ASB7: variants seen among roughly 807,000 people sequenced by gnomAD.
ASB7 encodes ankyrin repeat and SOCS box protein 7.
A neutral mutation model predicts 32.5 loss-of-function variants in ASB7; 4 were observed. The observed-to-expected ratio is 0.12, with a 90% confidence interval of 0.06 to 0.28. ASB7 has a LOEUF of 0.28. Among genes scored for constraint, ASB7 ranks in the 10% least tolerant of loss-of-function variants. The pLI is 1.00. For synonymous variants in ASB7, 172 were observed against 155.6 expected, an observed-to-expected ratio of 1.11 and a Z score of -0.78; for missense variants, 181 against 407.1, an observed-to-expected ratio of 0.44 and a Z score of 4.78.
chr15:100,634,515 GAGAT>G (rs1250832892), intron 5 of ASB7, among the ~76,000 whole-genome samples: 6 of 152,180 alleles, frequency 3.9e-5, no homozygotes, highest in South Asian at 2.1e-4. Context: ...GAAAAGAAAA[GAGAT>G]AGGGCCAGGT....
intron 2 of ASB7, among the ~76,000 whole-genome samples, chr15:100,608,693 A>G (rs2039669346): frequency 6.6e-6 from 1 of 152,214 alleles, no homozygotes; most frequent in Admixed American, 6.5e-5. Flanking sequence ...CGTCGGCCTC[A>G]TTTATTTAGA....
intron 2 of ASB7, among the ~76,000 whole-genome samples, chr15:100,604,857 T>C (rs1456913160): frequency 6.6e-6 from 1 of 152,238 alleles, no homozygotes; most frequent in Non-Finnish European, 1.5e-5. Context: ...TAATGATTAC[T>C]TCAGAACTTT....
Position 100,648,632 on chromosome 15 carries a change from A to G in ASB7, c.*170A>G, listed in dbSNP as rs1419011875. 1 of 505,100 alleles carries G rather than the reference A, an allele frequency of 2.0e-6. No homozygotes were observed. The highest frequency in any genetic ancestry group is 3.4e-5 in the East Asian group (1 of 29,224). The allele number at this position is 505,100 out of a possible 1,614,324, so 31.3% of individuals were successfully genotyped here. ...GGTTGGTTTTCATTGTAGGGGAGGG[A>G]TTTTTTATATATATATAAAAACACA... On this transcript the variant is annotated 3_prime_UTR_variant, in exon 6 of 6. Transcript: ENST00000332783.
intron 4 of ASB7, among the ~76,000 whole-genome samples, chr15:100,615,712 A>AGG: frequency 6.6e-6 from 1 of 152,330 alleles, no homozygotes; most frequent in East Asian, 1.9e-4. Context: ...CTATGCATGT[A>AGG]GGCAGAAATA....
intron 5 of ASB7, among the ~76,000 whole-genome samples, chr15:100,647,098 G>A (rs901728778): frequency 2.0e-5 from 3 of 151,932 alleles, no homozygotes; most frequent in Admixed American, 6.6e-5. Context: ...AACATGTAAT[G>A]GTTTATTAGA....
At position 100,648,348 on chromosome 15, in the gene ASB7, G is replaced by A. The variant is rs941341220; in HGVS notation, c.843G>A (p.Leu281=). The A allele has an allele frequency of 3.7e-6, 6 of 1,604,806 alleles. No homozygotes were observed. The highest frequency in any genetic ancestry group is 2.7e-5 in the African/African-American group (2 of 74,188). Residue 281 remains leucine (L), a synonymous_variant, in exon 6 of 6, where the codon CTG becomes CTA. Transcript: ENST00000332783. ...VTRQPRNLQD[L]CRIKIRQCIG... ...GACAGCCCAGAAACTTGCAGGACCT[G>A]TGCCGAATTAAAATTCGACAATGTA...
At chr15:100,622,487 C>T (rs2141395454) in intron 4 of ASB7, among the ~76,000 whole-genome samples, 1 of 152,222 alleles carries the variant, frequency 6.6e-6, no homozygotes, top group South Asian at 2.1e-4. Flanking sequence ...AAAAAAGAGC[C>T]CAAATAGCTG....
intron 4 of ASB7, among the ~76,000 whole-genome samples, chr15:100,627,173 A>G (rs536651410): frequency 6.6e-6 from 1 of 152,302 alleles, no homozygotes; most frequent in African/African-American, 2.4e-5. Flanking sequence ...GTAAATTTAA[A>G]TGAACTTGTT....
At position 100,632,853 on chromosome 15, in the gene ASB7, G is replaced by A. The variant is rs1415348405; in HGVS notation, c.817+2811G>A. The stretch of plus-strand genomic sequence containing the variant: ...TGCCGTAAAAACTCTGATCTATATA[G>A]TGCAAAAAAAAAAAAAAAACAGAGC... On this transcript the variant is annotated intron_variant, in intron 5 of 5. Transcript: ENST00000332783. Among the ~76,000 whole-genome samples, 6 of 83,206 alleles carry A rather than the reference G, an allele frequency of 7.2e-5. No individual in the cohort carries two copies. The East Asian group carries it at 1.7e-3, about 24-fold the overall frequency. 54.6% of individuals were successfully genotyped at this position (83,206 alleles called of 152,430 possible).
At chr15:100,644,190 G>A (rs183086605) in intron 5 of ASB7, among the ~76,000 whole-genome samples, 5 of 152,348 alleles carry the variant, frequency 3.3e-5, no homozygotes, top group Admixed American at 3.3e-4. Flanking sequence ...GGAGGTTGCA[G>A]TGAATTGAGA....
chr15:100,628,397 T>C (rs1305094306), intron 4 of ASB7, among the ~76,000 whole-genome samples: 1 of 152,238 alleles, frequency 6.6e-6, no homozygotes, highest in East Asian at 1.9e-4. Context: ...TGTGTATGTA[T>C]GTGTAGGTGT....
rs2040012182 is a variant in ASB7 at position 100,648,745 on chromosome 15, T to G, written c.*283T>G. 1.3e-5 allele frequency: 3 copies of G among 225,878 alleles called. No homozygotes were observed. The East Asian group carries it at 2.7e-4, about 20-fold the overall frequency. 14.0% of individuals were successfully genotyped at this position (225,878 alleles called of 1,614,324 possible). On this transcript the variant is annotated 3_prime_UTR_variant, in exon 6 of 6. Coordinates refer to ENST00000332783, the MANE Select transcript of ASB7 (RefSeq NM_198243.3). ...TATACAATACTGCATTTAGAAAAAT[T>G]GTCTTTTCTTAAATGACACAAGCAG...
At chr15:100,630,134 T>C (rs2039872963) in intron 5 of ASB7, 92 bp downstream of exon 5, 1 of 1,416,290 alleles carries the variant, frequency 7.1e-7, no homozygotes, top group South Asian at 1.5e-5. Context: ...GATGACTAGA[T>C]ATTAATCATT....
chr15:100,647,806 G>A (rs531546800), intron 5 of ASB7, among the ~76,000 whole-genome samples: 3 of 152,224 alleles, frequency 2.0e-5, no homozygotes, highest in Non-Finnish European at 4.4e-5. Context: ...CGTGGTGGGT[G>A]TCCGGGCTCC....
chr15:100,625,213 C>T (rs1309855671), intron 4 of ASB7, among the ~76,000 whole-genome samples: 14 of 152,254 alleles, frequency 9.2e-5, no homozygotes, highest in Non-Finnish European at 7.4e-5. Flanking sequence ...ATTCAGCATC[C>T]TACTGTATGT....
chr15:100,636,984 G>T (rs1006061320), intron 5 of ASB7, among the ~76,000 whole-genome samples: 1 of 152,230 alleles, frequency 6.6e-6, no homozygotes, highest in African/African-American at 2.4e-5. Flanking sequence ...AGCCGGTACT[G>T]GTCGTTGTTC....
intron 5 of ASB7, among the ~76,000 whole-genome samples, chr15:100,634,839 G>C (rs1037946914): frequency 6.6e-6 from 1 of 152,134 alleles, no homozygotes; most frequent in African/African-American, 2.4e-5. Context: ...AGTAGCTGCA[G>C]TTCCTTGTGC....
chr15:100,632,124 A>G (rs910058547), intron 5 of ASB7, among the ~76,000 whole-genome samples: 1 of 152,232 alleles, frequency 6.6e-6, no homozygotes, highest in African/African-American at 2.4e-5. Flanking sequence ...AAAGACTCAC[A>G]TGCACTTTAA....
chr15:100,605,474 C>T (rs1481118466), intron 2 of ASB7, among the ~76,000 whole-genome samples: 2 of 152,160 alleles, frequency 1.3e-5, no homozygotes, highest in Admixed American at 6.5e-5. Flanking sequence ...TACTTACATT[C>T]TTTACACATA....
Sources: gnomAD v4.1 joint callset for allele counts (sites outside exome capture counted in the v4.1 genomes callset) on GRCh38, gnomAD v4.1.1 for gene constraint, MANE v1.5 for transcripts, NCBI Gene and HGNC (gene_info 2026-07-23, HGNC 2026-07-21) for gene names.